The following CDK12 variants were observed in gnomAD, a reference collection of about 807,000 sequenced individuals.
CDK12 encodes cyclin dependent kinase 12.
CDK12 carries 17 observed loss-of-function variants against 133.8 expected under a neutral mutation model. That is an observed-to-expected ratio of 0.13 (90% CI 0.09 to 0.19). CDK12 has a LOEUF of 0.19. Ranked by LOEUF, CDK12 falls within the 10% of genes least tolerant of loss-of-function variation. CDK12 has a pLI of 1.00. For synonymous variants in CDK12, 694 were observed against 683.6 expected (o/e 1.02, Z -0.24); for missense variants, 1,508 against 1,818.7 (o/e 0.83, Z 3.11).
intron 1 of CDK12, among the ~76,000 whole-genome samples, chr17:39,541,663 G>A (rs1254243691): frequency 6.6e-6 from 1 of 152,074 alleles, no homozygotes; most frequent in Non-Finnish European, 1.5e-5. Context: ...CCCCGAGTTT[G>A]GCTCTTAAAG....
intron 13 of CDK12, among the ~76,000 whole-genome samples, chr17:39,529,218 A>G (rs977476335): frequency 2.0e-5 from 3 of 152,148 alleles, no homozygotes; most frequent in African/African-American, 4.8e-5. Context: ...TGGATGTTAC[A>G]TGTAACACCT....
chr17:39,512,794 T>C (rs960603121), intron 8 of CDK12, among the ~76,000 whole-genome samples: 1 of 152,212 alleles, frequency 6.6e-6, no homozygotes, highest in African/African-American at 2.4e-5. Context: ...ATTCTTTCAT[T>C]TTATATAACG....
At chr17:39,508,283 AT>A (rs957633475) in intron 6 of CDK12, among the ~76,000 whole-genome samples, 1 of 151,942 alleles carries the variant, frequency 6.6e-6, no homozygotes, top group Non-Finnish European at 1.5e-5. Context: ...TTTTTGCCTG[AT>A]CTGAACTATT....
intron 2 of CDK12, among the ~76,000 whole-genome samples, chr17:39,551,871 ATCC>A (rs1169877507): frequency 1.3e-5 from 2 of 152,210 alleles, no homozygotes; most frequent in Non-Finnish European, 1.5e-5. Context: ...ATTTCTTGCC[ATCC>A]TCCTCCTTCC....
upstream of CDK12, among the ~76,000 whole-genome samples, chr17:39,546,436 G>A (rs1597683033): frequency 1.3e-5 from 2 of 151,786 alleles, no homozygotes; most frequent in East Asian, 1.9e-4. Flanking sequence ...CGCCTGCCTC[G>A]GCCTCCCAAA....
At chr17:39,502,180 T>C (rs1435521394) in intron 6 of CDK12, among the ~76,000 whole-genome samples, 1 of 144,852 alleles carries the variant, frequency 6.9e-6, no homozygotes, top group Admixed American at 7.2e-5. Flanking sequence ...TGAAACGGAG[T>C]CTTGCTCTGT....
chr17:39,557,046 C>G (rs2056188461), intron 3 of CDK12: 1 of 152,184 alleles, frequency 6.6e-6, no homozygotes, highest in African/African-American at 2.4e-5. Context: ...TGCACCTGAG[C>G]AAATACAGCA....
intron 6 of CDK12, among the ~76,000 whole-genome samples, chr17:39,506,069 A>G (rs757054091): frequency 1.3e-5 from 2 of 152,160 alleles, no homozygotes; most frequent in Non-Finnish European, 2.9e-5. Flanking sequence ...ATTAAGGAGA[A>G]TGCCAGAGGT....
rs1335075651 is a variant in CDK12 at position 39,492,376 on chromosome 17, A to C, written c.2109-375A>C. The stretch of plus-strand genomic sequence containing the variant: ...CTCCCAAAGTGCTGGGATTACAGGC[A>C]TGAGCCACCGAGCCCGGCCAATTTC... On this transcript the variant is annotated intron_variant, in intron 3 of 13. Transcript: ENST00000447079. 6.9e-5 allele frequency among the ~76,000 whole-genome samples: 10 copies of C among 145,566 alleles called. No individual in the cohort carries two copies. In the South Asian group the frequency reaches 1.3e-3, roughly 19 times the overall value.
chr17:39,482,015 C>CATTTTTGTTTTTTTTT (rs773073791), intron 2 of CDK12, among the ~76,000 whole-genome samples: 1 of 96,228 alleles, frequency 1.0e-5, no homozygotes, highest in African/African-American at 3.3e-5. Flanking sequence ...CCTGGCTTGC[C>CATTTTTGTTTTTTTTT]TTTTTTTTTT....
rs2052907389 is a variant in CDK12, at chr17:39,503,893, A to G, written c.2609+2454A>G. 2.0e-5 allele frequency among the ~76,000 whole-genome samples: 3 copies of G among 152,196 alleles called. No homozygotes were observed. In the South Asian group the frequency reaches 6.2e-4, roughly 31 times the overall value. ...CAAATGAGACCAAATCATTTTATAT[A>G]GAAGAGAGACACAGTCAATCTTCTG... On this transcript the variant is annotated intron_variant, in intron 6 of 13. Transcript: ENST00000447079.
At chr17:39,499,358 G>A (rs1197888829) in intron 5 of CDK12, among the ~76,000 whole-genome samples, 1 of 149,950 alleles carries the variant, frequency 6.7e-6, no homozygotes, top group East Asian at 2.0e-4. Context: ...ACAGGTGCAC[G>A]CCACCACGTC....
At position 39,462,893 on chromosome 17, in the gene CDK12, G is replaced by T. The variant is rs952187632; in HGVS notation, c.822G>T (p.Ser274=). The change falls in exon 1 of 14, where the codon TCG becomes TCT. Residue 274 remains serine, a synonymous_variant. Transcript: ENST00000447079. The part of the protein sequence containing the change: ...KSPGSTSRRQ[S]VSPPYKEPSA... ...CTGGAAGTACCTCGAGAAGGCAGTC[G>T]GTCAGTCCCCCTTACAAGGAGCCTT... 1.2e-6 allele frequency: 2 copies of T among 1,614,146 alleles called. No individual in the cohort carries two copies. The highest frequency in any genetic ancestry group is 1.7e-6 in the Non-Finnish European group (2 of 1,180,022).
At chr17:39,525,842 TG>T in intron 12 of CDK12, 21 bp from the exon 13 acceptor site, 1 of 1,598,198 alleles carries the variant, frequency 6.3e-7, no homozygotes, top group Non-Finnish European at 8.6e-7. Flanking sequence ...CGTCTTATAT[TG>T]GCTTCACTGT....
At chr17:39,498,928 T>C (rs1303260487) in intron 5 of CDK12, among the ~76,000 whole-genome samples, 15 of 32 alleles carry the variant, frequency 0.47, no homozygotes, top group Admixed American at 0.5. Context: ...TCTTTCTTTC[T>C]TTCTTTCTTT....
At chr17:39,544,570 G>A (rs536266523), upstream of CDK12, among the ~76,000 whole-genome samples, 1 of 150,514 alleles carries the variant, frequency 6.6e-6, no homozygotes, top group South Asian at 2.1e-4. Context: ...CTGCGCCTCC[G>A]GGGTTCAAGT....
chr17:39,484,283 T>C (rs1168604230), intron 2 of CDK12, among the ~76,000 whole-genome samples: 3 of 152,228 alleles, frequency 2.0e-5, no homozygotes, highest in Non-Finnish European at 2.9e-5. Flanking sequence ...ATTACACATG[T>C]ATTATGAAAC....
intron 2 of CDK12, chr17:39,551,185 G>A (rs1246133127): frequency 6.6e-6 from 1 of 152,160 alleles, no homozygotes; most frequent in African/African-American, 2.4e-5. Flanking sequence ...AAGAAGGTAT[G>A]CAGGATATTA....
At chr17:39,515,831 G>C in intron 9 of CDK12, 23 bp downstream of exon 9, 1 of 1,524,596 alleles carries the variant, frequency 6.6e-7, no homozygotes, top group Non-Finnish European at 9.1e-7. Context: ...ATGTGCTCTT[G>C]AGTGCCCAGG....
Sources: gnomAD v4.1 joint callset for allele counts (sites outside exome capture counted in the v4.1 genomes callset) on GRCh38, gnomAD v4.1.1 for gene constraint, MANE v1.5 for transcripts, NCBI Gene and HGNC (gene_info 2026-07-23, HGNC 2026-07-21) for gene names.